SCP2: variants seen among roughly 807,000 people sequenced by gnomAD.
The protein encoded by SCP2 is SCP-2/3-oxoacyl-CoA thiolase.
In SCP2, 48 loss-of-function variants were observed where a neutral mutation model predicts 71.4. The ratio of observed to expected loss-of-function variants is 0.67; its 90% CI spans 0.53 to 0.86. The LOEUF is 0.86. Ranked by LOEUF, SCP2 falls within the 40% of genes least tolerant of loss-of-function variation. The pLI is 0.00. For missense variants in SCP2, 560 were observed against 655.6 expected (o/e 0.85, Z 1.59); for synonymous variants, 220 against 218.1 (o/e 1.01, Z -0.08).
At chr1:52,994,260 G>A (rs1267230588) in intron 11 of SCP2, 4 of 1,000,964 alleles carry the variant, frequency 4.0e-6, no homozygotes, top group East Asian at 1.1e-4. Context: ...TGTAGTTTGT[G>A]TGTAAAGAAG....
chr1:53,017,083 T>C (rs753482156), intron 12 of SCP2, among the ~76,000 whole-genome samples: 1 of 152,176 alleles, frequency 6.6e-6, no homozygotes, highest in Non-Finnish European at 1.5e-5. Context: ...TATTATAACA[T>C]CCTATTCATT....
In SCP2 at chr1:52,927,383, G is replaced by T. The variant is rs1290242060; in HGVS notation, c.-14G>T. ...CGTCCGCGGCGCCCGCCCCGGTCCC[G>T]CACTGGTGCAGCCATGTCCTCTTCC... On this transcript the variant is annotated 5_prime_UTR_variant, in exon 1 of 16. Transcript: ENST00000371514. 10 of 1,577,958 alleles carry T rather than the reference G, an allele frequency of 6.3e-6. No individual in the cohort carries two copies. The highest frequency in any genetic ancestry group is 1.2e-5 in the South Asian group (1 of 86,000).
intron 12 of SCP2, among the ~76,000 whole-genome samples, chr1:53,024,529 T>G (rs754282293): frequency 6.6e-6 from 1 of 152,082 alleles, no homozygotes; most frequent in Non-Finnish European, 1.5e-5. Flanking sequence ...GACTCTCATA[T>G]GCCCACATCC....
In SCP2 at chr1:52,948,013, G is replaced by A. The variant is rs184974273; in HGVS notation, c.132G>A (p.Lys44=). 1.2e-6 allele frequency: 2 copies of A among 1,611,288 alleles called. No homozygotes were observed. The highest frequency in any genetic ancestry group is 1.7e-6 in the Non-Finnish European group (2 of 1,177,566). ...AAAAACCTTTCGTTTTTATAGGCAA[G>A]AAGGCTTTAGCTGATGCACAGATCC... ...DYPDLAEEAG[K]KALADAQIPY... Residue 44 remains lysine (K), a synonymous_variant, in exon 3 of 16, where the codon AAG becomes AAA. Transcript: ENST00000371514.
chr1:52,978,928 A>G (rs889626888), intron 9 of SCP2, among the ~76,000 whole-genome samples: 2 of 152,230 alleles, frequency 1.3e-5, no homozygotes, highest in Admixed American at 1.3e-4. Flanking sequence ...AAGATTGAGT[A>G]CAAAATGGAA....
In SCP2 at chr1:52,976,726, G is replaced by A; in HGVS notation, c.631G>A (p.Ala211Thr). Residue 211 changes from alanine (A) to threonine (T), a missense_variant, in exon 8 of 16, where the codon GCA becomes ACA. By Grantham distance (58) the Ala-to-Thr change is moderately conservative. Around this residue, in one of 3 missense-constraint regions of SCP2, gnomAD observed 513 missense variants for 573.1 expected, o/e 0.90. Coordinates refer to ENST00000371514, the MANE Select transcript of SCP2 (RefSeq NM_002979.5). The part of the protein sequence containing the change: ...QDEYSLDEVM[A>T]SKEVFDFLTI... ...TGAATACAGTTTAGATGAAGTGATGGCATCTAAAGAAGTTTTTGATTTTTT... is the reference window on the plus strand; with the variant it reads ...TGAATACAGTTTAGATGAAGTGATGACATCTAAAGAAGTTTTTGATTTTTT... 1.3e-6 allele frequency: 2 copies of A among 1,567,892 alleles called. No individual in the cohort carries two copies. The highest frequency in any genetic ancestry group is 1.4e-5 in the African/African-American group (1 of 73,770).
chr1:52,974,756 G>T lies in SCP2; in HGVS notation c.524-13G>T. 6.9e-7 allele frequency: 1 copy of T among 1,453,340 alleles called. No homozygotes were observed. Among genetic ancestry groups the T allele is most frequent in the Non-Finnish European group, 9.7e-7 (1 of 1,033,608 alleles). 90.0% of individuals were successfully genotyped at this position (1,453,340 alleles called of 1,614,324 possible). On this transcript the variant is annotated splice_polypyrimidine_tract_variant and intron_variant, in intron 6 of 15. Coordinates refer to ENST00000371514, the MANE Select transcript of SCP2 (RefSeq NM_002979.5). The stretch of plus-strand genomic sequence containing the variant: ...AACATTCACCCACTGGTAGATGTTT[G>T]CTTTCTTTACAGGAACAAAAATTGA...
At chr1:53,007,215 C>G (rs534549086) in intron 11 of SCP2, among the ~76,000 whole-genome samples, 2 of 151,906 alleles carry the variant, frequency 1.3e-5, no homozygotes, top group East Asian at 3.9e-4. Flanking sequence ...AACATTAGAT[C>G]AACGAGAGAG....
At chr1:52,964,541 A>G (rs1450684069) in intron 6 of SCP2, among the ~76,000 whole-genome samples, 1 of 152,074 alleles carries the variant, frequency 6.6e-6, no homozygotes, top group East Asian at 1.9e-4. Flanking sequence ...TCATTTTTAG[A>G]GGTATATTGT....
intron 6 of SCP2, among the ~76,000 whole-genome samples, chr1:52,973,811 A>T (rs1657708537): frequency 1.3e-5 from 2 of 152,180 alleles, no homozygotes; most frequent in African/African-American, 4.8e-5. Flanking sequence ...CATGTTGACT[A>T]GTCTGGTCTT....
At chr1:53,014,688 G>C (rs879763207) in intron 11 of SCP2, among the ~76,000 whole-genome samples, 1 of 152,200 alleles carries the variant, frequency 6.6e-6, no homozygotes, top group Non-Finnish European at 1.5e-5. Context: ...GAAAACGACA[G>C]GTTAAGTTGA....
At chr1:52,939,914 C>T (rs184131811) in intron 1 of SCP2, among the ~76,000 whole-genome samples, 2 of 152,206 alleles carry the variant, frequency 1.3e-5, no homozygotes, top group African/African-American at 4.8e-5. Context: ...AAATGATCCA[C>T]CCACCTCGGC....
At chr1:52,945,930 G>T (rs533255785) in intron 2 of SCP2, among the ~76,000 whole-genome samples, 95 of 141,744 alleles carry the variant, frequency 6.7e-4, no homozygotes, top group South Asian at 2.9e-3. Context: ...AAGTTTTTTT[G>T]TTTTTTTTTT....
chr1:52,991,915 A>T (rs910917095), intron 11 of SCP2, among the ~76,000 whole-genome samples: 8 of 152,214 alleles, frequency 5.3e-5, no homozygotes, highest in Non-Finnish European at 4.4e-5. Flanking sequence ...CAAAATCAGG[A>T]ACATACTATT....
At chr1:52,939,898 G>T (rs557128168) in intron 1 of SCP2, among the ~76,000 whole-genome samples, 3 of 152,116 alleles carry the variant, frequency 2.0e-5, no homozygotes, top group African/African-American at 7.2e-5. Flanking sequence ...TCGAATTCCT[G>T]ACCTCAAATG....
At chr1:53,002,367 C>T (rs897686611) in intron 11 of SCP2, among the ~76,000 whole-genome samples, 1 of 152,036 alleles carries the variant, frequency 6.6e-6, no homozygotes, top group Non-Finnish European at 1.5e-5. Flanking sequence ...TGGCATGGAG[C>T]AAAGGGAATA....
At chr1:52,978,408 G>T in intron 9 of SCP2, 41 bp downstream of exon 9, 1 of 1,503,334 alleles carries the variant, frequency 6.7e-7, no homozygotes, top group Non-Finnish European at 9.2e-7. Context: ...TTTTTAAGAT[G>T]GAGTCTCATG....
intron 3 of SCP2, among the ~76,000 whole-genome samples, chr1:52,949,256 A>G (rs181302242): frequency 6.6e-6 from 1 of 152,328 alleles, no homozygotes; most frequent in Non-Finnish European, 1.5e-5. Context: ...GAATATATTT[A>G]TTGAAAAGCA....
intron 15 of SCP2, 108 bp from the exon 16 acceptor site, chr1:53,050,501 G>A: frequency 1.4e-6 from 1 of 727,590 alleles, no homozygotes; most frequent in Non-Finnish European, 2.4e-6. Flanking sequence ...TTTAGAGAAA[G>A]TCATGTGACC....
Sources: gnomAD v4.1 joint callset for allele counts (sites outside exome capture counted in the v4.1 genomes callset) on GRCh38, gnomAD v4.1.1 for gene constraint, gnomAD v4.1.1 regional missense constraint, MANE v1.5 for transcripts, NCBI Gene and HGNC (gene_info 2026-07-23, HGNC 2026-07-21) for gene names.